The following DOCK5 variants were observed in gnomAD, a reference collection of about 807,000 sequenced individuals.
DOCK5 encodes the protein dedicator of cytokinesis 5.
A neutral mutation model predicts 251.8 loss-of-function variants in DOCK5; 142 were observed. The observed-to-expected ratio is 0.56, with a 90% CI of 0.49 to 0.65. The LOEUF (loss-of-function observed/expected upper bound fraction) is 0.65, where lower values mean the gene tolerates loss of function less well. DOCK5 is among the 30% of genes least tolerant of loss of function. The pLI is 0.00. For missense variants in DOCK5, 2,111 were observed against 2,312.3 expected (o/e 0.91, Z 1.79); for synonymous variants, 842 against 835.5 (o/e 1.01, Z -0.13).
chr8:25,374,829 A>G, intron 37 of DOCK5, 175 bp downstream of exon 37: 1 of 1,473,716 alleles, frequency 6.8e-7, no homozygotes, highest in Non-Finnish European at 9.0e-7. Context: ...CAAGTATGGG[A>G]AAATGTCAGT....
At chr8:25,254,438 G>C (rs941566674) in intron 2 of DOCK5, among the ~76,000 whole-genome samples, 2 of 152,050 alleles carry the variant, frequency 1.3e-5, no homozygotes, top group African/African-American at 4.8e-5. Context: ...ATAATGTCAA[G>C]AGAATGAGAA....
At chr8:25,384,455 A>ATTTTTTTTTTTTT (rs1294643896) in intron 40 of DOCK5, among the ~76,000 whole-genome samples, 15 of 45,210 alleles carry the variant, frequency 3.3e-4, no homozygotes, top group Non-Finnish European at 4.9e-4. Flanking sequence ...TTATTTATTT[A>ATTTTTTTTTTTTT]TTTATTTATT....
intron 41 of DOCK5, 111 bp downstream of exon 41, chr8:25,389,343 C>G: frequency 7.4e-7 from 1 of 1,352,690 alleles, no homozygotes; most frequent in Non-Finnish European, 1.0e-6. Context: ...ACACCATCTT[C>G]TCAAGCATTC....
chr8:25,260,858 C>T (rs1289940705), intron 2 of DOCK5, among the ~76,000 whole-genome samples: 2 of 151,592 alleles, frequency 1.3e-5, no homozygotes, highest in Non-Finnish European at 2.9e-5. Context: ...TGCAGTGGCG[C>T]GATCATAGCT....
At chr8:25,199,475 C>G (rs1463580015) in intron 1 of DOCK5, among the ~76,000 whole-genome samples, 1 of 151,558 alleles carries the variant, frequency 6.6e-6, no homozygotes, top group Non-Finnish European at 1.5e-5. Context: ...CCTCCACCTC[C>G]TGTGTTCAAG....
chr8:25,358,877 A>G, intron 27 of DOCK5, 86 bp from the exon 28 acceptor site: 1 of 1,250,496 alleles, frequency 8.0e-7, no homozygotes, highest in Non-Finnish European at 1.2e-6. Flanking sequence ...GTGGGTGGGA[A>G]AAGCCAAGTT....
intron 45 of DOCK5, among the ~76,000 whole-genome samples, chr8:25,396,701 T>A (rs919920490): frequency 4.0e-5 from 6 of 151,826 alleles, no homozygotes; most frequent in African/African-American, 1.5e-4. Flanking sequence ...GGAGAGTGGG[T>A]AGAAATTAAA....
Position 25,390,342 on chromosome 8 carries a change from C to T in DOCK5, c.4355+55C>T, listed in dbSNP as rs572136504. Reference sequence around the variant, plus strand: ...AAATCTGTGTCTAGGCACAGTGGCTCACATCTATAATCTCAACATTTTCCG... The same window carrying T: ...AAATCTGTGTCTAGGCACAGTGGCTTACATCTATAATCTCAACATTTTCCG... On this transcript the variant is annotated intron_variant, in intron 42 of 51. Transcript: ENST00000276440. 160 of 1,432,326 alleles carry T rather than the reference C, an allele frequency of 1.1e-4. 1 individual carries two copies. In the South Asian group the frequency reaches 1.8e-3, roughly 16 times the overall value. The allele number at this position is 1,432,326 out of a possible 1,614,324, so 88.7% of individuals were successfully genotyped here.
At chr8:25,301,535 T>C (rs764727861) in intron 9 of DOCK5, among the ~76,000 whole-genome samples, 97 of 152,102 alleles carry the variant, frequency 6.4e-4, no homozygotes, top group Admixed American at 1.4e-3. Flanking sequence ...ATGAGAGATA[T>C]CAGCTCATTC....
At chr8:25,335,295 GA>G (rs1491004168) in intron 21 of DOCK5, among the ~76,000 whole-genome samples, 1 of 152,118 alleles carries the variant, frequency 6.6e-6, no homozygotes, top group Admixed American at 6.5e-5. Flanking sequence ...TACAAATGAG[GA>G]AATCCCATCA....
At chr8:25,361,593 G>A (rs539985435) in intron 28 of DOCK5, among the ~76,000 whole-genome samples, 2 of 152,210 alleles carry the variant, frequency 1.3e-5, no homozygotes, top group East Asian at 1.9e-4. Context: ...CAGCCTGGGC[G>A]ACAAAGCAAG....
intron 1 of DOCK5, among the ~76,000 whole-genome samples, chr8:25,195,623 T>G (rs1451277921): frequency 1.3e-5 from 2 of 152,188 alleles, no homozygotes; most frequent in Non-Finnish European, 2.9e-5. Flanking sequence ...TCCTCCCTCT[T>G]ATGGAATGTG....
At chr8:25,198,260 G>C (rs1445709387) in intron 1 of DOCK5, among the ~76,000 whole-genome samples, 1 of 152,098 alleles carries the variant, frequency 6.6e-6, no homozygotes, top group Non-Finnish European at 1.5e-5. Context: ...AGCCTTCCCT[G>C]CCAGAGACCA....
intron 1 of DOCK5, among the ~76,000 whole-genome samples, chr8:25,185,383 C>T (rs1413454101): frequency 1.3e-5 from 2 of 152,116 alleles, no homozygotes; most frequent in Non-Finnish European, 2.9e-5. Context: ...CTTTCTGCCC[C>T]CCGCTTTCGT....
chr8:25,231,013 G>A (rs527769688), intron 1 of DOCK5, among the ~76,000 whole-genome samples: 11 of 152,148 alleles, frequency 7.2e-5, no homozygotes, highest in Non-Finnish European at 1.3e-4. Flanking sequence ...CTGACACCTT[G>A]GCCCCACCCT....
intron 1 of DOCK5, among the ~76,000 whole-genome samples, chr8:25,192,159 T>C (rs1449893355): frequency 1.3e-5 from 2 of 151,752 alleles, no homozygotes; most frequent in Non-Finnish European, 2.9e-5. Flanking sequence ...ATTTTCTTAA[T>C]CCAGTCTATC....
At chr8:25,210,002 G>A (rs1802083614) in intron 1 of DOCK5, among the ~76,000 whole-genome samples, 1 of 38,590 alleles carries the variant, frequency 2.6e-5, no homozygotes, top group African/African-American at 7.3e-5. Context: ...CACCATCCCC[G>A]GCTAATTATA....
At chr8:25,312,622 G>A (rs532260820) in intron 13 of DOCK5, among the ~76,000 whole-genome samples, 2 of 152,140 alleles carry the variant, frequency 1.3e-5, no homozygotes, top group Admixed American at 6.5e-5. Flanking sequence ...AATCAGCTGG[G>A]CGAGTTGACG....
chr8:25,344,954 AATAGGTC>A (rs1272772456), intron 25 of DOCK5, among the ~76,000 whole-genome samples: 5 of 152,286 alleles, frequency 3.3e-5, no homozygotes, highest in African/African-American at 1.2e-4. Context: ...CAGAAGACAT[AATAGGTC>A]ATACCTTACT....
Sources: allele counts gnomAD v4.1 joint callset (sites outside exome capture counted in the v4.1 genomes callset), GRCh38; gene constraint gnomAD v4.1.1; transcripts MANE v1.5; gene names NCBI Gene and HGNC (gene_info 2026-07-23, HGNC 2026-07-21).